SPOCK3: variants seen among roughly 807,000 people sequenced by gnomAD.
SPOCK3 encodes SPARC (osteonectin), cwcv and kazal like domains proteoglycan 3.
A neutral mutation model predicts 56.6 loss-of-function variants in SPOCK3; 30 were observed. That is an observed-to-expected ratio of 0.53 (90% CI 0.40 to 0.72). The LOEUF (loss-of-function observed/expected upper bound fraction) is 0.72. Among genes scored for constraint, SPOCK3 ranks in the 30% least tolerant of loss-of-function variants. SPOCK3 has a pLI of 0.00. For synonymous variants in SPOCK3, 196 were observed against 183.3 expected, an observed-to-expected ratio of 1.07 and a Z score of -0.56; for missense variants, 527 against 530.0, an observed-to-expected ratio of 0.99 and a Z score of 0.06.
intron 3 of SPOCK3, among the ~76,000 whole-genome samples, chr4:167,060,455 C>T (rs1389268348): frequency 6.6e-6 from 1 of 151,904 alleles, no homozygotes; most frequent in East Asian, 1.9e-4. Flanking sequence ...TTTGCTCACT[C>T]CTCAGTGTGG....
chr4:166,906,561 A>C (rs890553852), intron 5 of SPOCK3, among the ~76,000 whole-genome samples: 2 of 151,848 alleles, frequency 1.3e-5, no homozygotes, highest in Admixed American at 6.6e-5. Context: ...TAAAAGTTAA[A>C]ATTTTAAAGC....
chr4:166,944,291 C>T (rs1365197086), intron 4 of SPOCK3, among the ~76,000 whole-genome samples: 1 of 151,964 alleles, frequency 6.6e-6, no homozygotes, highest in Non-Finnish European at 1.5e-5. Context: ...GATATTCTAT[C>T]ATTCCCCCAA....
intron 2 of SPOCK3, among the ~76,000 whole-genome samples, chr4:167,063,516 G>A (rs572105140): frequency 5.9e-5 from 9 of 151,864 alleles, no homozygotes; most frequent in East Asian, 5.8e-4. Flanking sequence ...ATTCAAAAGG[G>A]GTCAGCAGAG....
intron 2 of SPOCK3, among the ~76,000 whole-genome samples, chr4:167,172,762 G>A (rs554218491): frequency 3.3e-5 from 5 of 152,124 alleles, no homozygotes; most frequent in South Asian, 2.1e-4. Context: ...GTGTGTGTGT[G>A]TATATGTATA....
chr4:167,075,581 G>T (rs1293499364), intron 2 of SPOCK3, among the ~76,000 whole-genome samples: 1 of 151,918 alleles, frequency 6.6e-6, no homozygotes, highest in African/African-American at 2.4e-5. Flanking sequence ...GCTGGGAAAA[G>T]TACACTTAAA....
At chr4:166,835,448 G>A (rs146078225) in intron 6 of SPOCK3, among the ~76,000 whole-genome samples, 23 of 152,098 alleles carry the variant, frequency 1.5e-4, no homozygotes, top group African/African-American at 4.8e-4. Flanking sequence ...TTTTTGTGTT[G>A]TATCTTAAAC....
chr4:167,081,539 C>T (rs2150290524), intron 2 of SPOCK3, among the ~76,000 whole-genome samples: 1 of 152,090 alleles, frequency 6.6e-6, no homozygotes, highest in South Asian at 2.1e-4. Flanking sequence ...TTAGATATTT[C>T]TGCCACAACC....
At chr4:167,081,027 T>C (rs758062053) in intron 2 of SPOCK3, among the ~76,000 whole-genome samples, 1 of 151,706 alleles carries the variant, frequency 6.6e-6, no homozygotes, top group South Asian at 2.1e-4. Context: ...ATTACAGATG[T>C]CCTATATTCT....
At chr4:167,065,197 A>T (rs1330890323) in intron 2 of SPOCK3, among the ~76,000 whole-genome samples, 1 of 151,726 alleles carries the variant, frequency 6.6e-6, no homozygotes, top group African/African-American at 2.4e-5. Flanking sequence ...GATGTGGCCA[A>T]GTTTTTATTG....
At chr4:166,932,366 TG>T (rs1202942884) in intron 4 of SPOCK3, among the ~76,000 whole-genome samples, 3 of 152,142 alleles carry the variant, frequency 2.0e-5, no homozygotes, top group African/African-American at 7.2e-5. Flanking sequence ...CCTACACAAG[TG>T]GTCAGATATC....
chr4:166,936,892 C>A (rs1012460675), intron 4 of SPOCK3, among the ~76,000 whole-genome samples: 35 of 151,968 alleles, frequency 2.3e-4, no homozygotes, highest in Non-Finnish European at 3.5e-4. Context: ...CAAATGTCTT[C>A]ATATTTTCAT....
chr4:166,943,742 T>C (rs1381173986), intron 4 of SPOCK3, among the ~76,000 whole-genome samples: 1 of 152,220 alleles, frequency 6.6e-6, no homozygotes, highest in Non-Finnish European at 1.5e-5. Context: ...AAAGTGGTCG[T>C]ATGCTTTTCA....
chr4:167,146,964 C>T (rs1393079351), intron 2 of SPOCK3, among the ~76,000 whole-genome samples: 1 of 151,736 alleles, frequency 6.6e-6, no homozygotes, highest in East Asian at 1.9e-4. Context: ...TAAGATCAGA[C>T]CGGAACTAAA....
chr4:167,090,274 A>G (rs1181681325), intron 2 of SPOCK3, among the ~76,000 whole-genome samples: 1 of 151,946 alleles, frequency 6.6e-6, no homozygotes, highest in East Asian at 1.9e-4. Flanking sequence ...CTGCACCCTC[A>G]TCAGCACTTG....
At chr4:167,144,624 G>A (rs998493487) in intron 2 of SPOCK3, among the ~76,000 whole-genome samples, 4 of 151,248 alleles carry the variant, frequency 2.6e-5, no homozygotes, top group Non-Finnish European at 5.9e-5. Flanking sequence ...AAGGGAGAAA[G>A]TAGGAAAGAT....
At chr4:167,209,092 C>G (rs1386609634) in intron 2 of SPOCK3, among the ~76,000 whole-genome samples, 1 of 152,042 alleles carries the variant, frequency 6.6e-6, no homozygotes, top group African/African-American at 2.4e-5. Flanking sequence ...AGAGTCACCA[C>G]TAAAGACAGA....
chr4:167,136,927 C>T (rs934154693), intron 2 of SPOCK3, among the ~76,000 whole-genome samples: 43 of 151,994 alleles, frequency 2.8e-4, no homozygotes, highest in African/African-American at 9.4e-4. Context: ...AGTTGTTTGA[C>T]GAAAGAATGA....
intron 5 of SPOCK3, among the ~76,000 whole-genome samples, chr4:166,900,570 G>A (rs1310304315): frequency 6.6e-6 from 1 of 152,176 alleles, no homozygotes; most frequent in Non-Finnish European, 1.5e-5. Flanking sequence ...GCCAGCAACT[G>A]CAGGCTGCCC....
chr4:166,815,760 G>A (rs1198795358), intron 6 of SPOCK3, among the ~76,000 whole-genome samples: 5 of 152,040 alleles, frequency 3.3e-5, no homozygotes, highest in Non-Finnish European at 7.4e-5. Flanking sequence ...CGGCTACAGA[G>A]CAAGACCTTC....
Sources: allele counts gnomAD v4.1 joint callset (sites outside exome capture counted in the v4.1 genomes callset), GRCh38; gene constraint gnomAD v4.1.1; transcripts MANE v1.5; gene names NCBI Gene and HGNC (gene_info 2026-07-23, HGNC 2026-07-21).